Variants in IGF1R observed in about 807,000 individuals in gnomAD.
IGF1R encodes insulin like growth factor 1 receptor, also known as insulin-like growth factor 1 receptor.
IGF1R carries 44 observed loss-of-function variants against 144.6 expected under a neutral mutation model. The ratio of observed to expected loss-of-function variants is 0.30; its 90% confidence interval spans 0.24 to 0.39. IGF1R has a LOEUF of 0.39. IGF1R is among the 10% of genes least tolerant of loss of function. The probability of loss-of-function intolerance (pLI) is 1.00; values close to 1 mark genes in which losing one functional copy is unlikely to be tolerated. For missense variants in IGF1R, 1,355 were observed against 1,833.7 expected (o/e 0.74, Z 4.77); for synonymous variants, 795 against 722.8 (o/e 1.10, Z -1.60).
At chr15:98,946,278 G>A (rs1265160848) in intron 19 of IGF1R, among the ~76,000 whole-genome samples, 1 of 151,994 alleles carries the variant, frequency 6.6e-6, no homozygotes, top group South Asian at 2.1e-4. Flanking sequence ...GCTGCAGGTG[G>A]GGTTGGTGAG....
At chr15:98,650,516 G>A (rs1596139519) in intron 1 of IGF1R, among the ~76,000 whole-genome samples, 1 of 152,356 alleles carries the variant, frequency 6.6e-6, no homozygotes, top group Non-Finnish European at 1.5e-5. Flanking sequence ...CTCCCGGGCC[G>A]GGGGATGGAG....
At chr15:98,921,547 C>G (rs1394716638) in intron 10 of IGF1R, among the ~76,000 whole-genome samples, 1 of 152,082 alleles carries the variant, frequency 6.6e-6, no homozygotes, top group Non-Finnish European at 1.5e-5. Context: ...GTAGCAAGCA[C>G]AGACGCTTGG....
At chr15:98,911,489 T>G in intron 7 of IGF1R, 48 bp downstream of exon 7, 3 of 1,613,100 alleles carry the variant, frequency 1.9e-6, no homozygotes, top group South Asian at 2.2e-5. Flanking sequence ...GGGCTACGAA[T>G]GGGAGAGGCC....
intron 2 of IGF1R, among the ~76,000 whole-genome samples, chr15:98,889,379 C>T (rs539790684): frequency 6.6e-6 from 1 of 152,264 alleles, no homozygotes; most frequent in Non-Finnish European, 1.5e-5. Flanking sequence ...GGTGTGTAAA[C>T]CGGTACAAAC....
intron 20 of IGF1R, among the ~76,000 whole-genome samples, chr15:98,956,136 G>T (rs1342222036): frequency 1.3e-5 from 2 of 152,214 alleles, no homozygotes; most frequent in African/African-American, 4.8e-5. Context: ...GGCTTTCCTT[G>T]TCCACGTGTG....
At chr15:98,838,547 C>T (rs542798612) in intron 2 of IGF1R, among the ~76,000 whole-genome samples, 1 of 152,364 alleles carries the variant, frequency 6.6e-6, no homozygotes, top group South Asian at 2.1e-4. Flanking sequence ...TCTTTGAAGA[C>T]AGTGCCCCTG....
intron 2 of IGF1R, among the ~76,000 whole-genome samples, chr15:98,793,778 G>C (rs1402303195): frequency 6.6e-6 from 1 of 152,144 alleles, no homozygotes; most frequent in Non-Finnish European, 1.5e-5. Flanking sequence ...GCAGGAAAAA[G>C]ACTTTATTAA....
chr15:98,768,332 C>T lies in IGF1R; in HGVS notation c.640+60225C>T, dbSNP rs552743193. Among the ~76,000 whole-genome samples the T allele has an allele frequency of 3.1e-3, 467 of 152,052 alleles. 3 individuals carry two copies. The highest frequency in any genetic ancestry group is 3.8e-3 in the Non-Finnish European group (255 of 67,832). On this transcript the variant is annotated intron_variant, in intron 2 of 20. Transcript: ENST00000650285. Reference sequence around the variant, plus strand: ...CAAATTTTAAAGTAAAAGTGCACAACCTGGCCAGGCGCGGTGGCTTACGCC... The same window carrying T: ...CAAATTTTAAAGTAAAAGTGCACAATCTGGCCAGGCGCGGTGGCTTACGCC...
intron 5 of IGF1R, among the ~76,000 whole-genome samples, chr15:98,904,235 G>T (rs1196780987): frequency 6.6e-6 from 1 of 151,980 alleles, no homozygotes; most frequent in Admixed American, 6.6e-5. Flanking sequence ...TGTATTTTTA[G>T]TAGAGACGGG....
chr15:98,843,344 G>A (rs1449230362), intron 2 of IGF1R, among the ~76,000 whole-genome samples: 2 of 152,004 alleles, frequency 1.3e-5, no homozygotes, highest in Non-Finnish European at 2.9e-5. Context: ...AACTCTAAAC[G>A]GATTAGAGCT....
chr15:98,734,484 G>A (rs2054566978), intron 2 of IGF1R, among the ~76,000 whole-genome samples: 1 of 152,118 alleles, frequency 6.6e-6, no homozygotes, highest in Non-Finnish European at 1.5e-5. Flanking sequence ...GGCTTACAGA[G>A]TTTATACCCA....
At chr15:98,880,570 T>C (rs527748125) in intron 2 of IGF1R, 1 of 152,380 alleles carries the variant, frequency 6.6e-6, no homozygotes, top group East Asian at 1.9e-4. Flanking sequence ...AACTTGGATA[T>C]TTCTGTGAGC....
At chr15:98,750,329 C>T (rs1209217457) in intron 2 of IGF1R, among the ~76,000 whole-genome samples, 3 of 152,104 alleles carry the variant, frequency 2.0e-5, no homozygotes, top group Non-Finnish European at 4.4e-5. Flanking sequence ...GGCAAGGGGG[C>T]TGGCCTCCCT....
At chr15:98,770,140 A>G (rs1156857863) in intron 2 of IGF1R, among the ~76,000 whole-genome samples, 1 of 152,172 alleles carries the variant, frequency 6.6e-6, no homozygotes, top group Non-Finnish European at 1.5e-5. Flanking sequence ...TCCAGTGTGG[A>G]ATCCTGGGTG....
intron 2 of IGF1R, among the ~76,000 whole-genome samples, chr15:98,755,316 G>A (rs982305574): frequency 4.6e-5 from 7 of 151,924 alleles, no homozygotes; most frequent in Non-Finnish European, 8.8e-5. Context: ...TAGTTTAGTC[G>A]AGCCATCATC....
At chr15:98,789,108 T>TCTTG (rs1313761578) in intron 2 of IGF1R, among the ~76,000 whole-genome samples, 1 of 152,236 alleles carries the variant, frequency 6.6e-6, no homozygotes, top group Non-Finnish European at 1.5e-5. Context: ...TCATTTACCT[T>TCTTG]CTTGTAAAAT....
At chr15:98,689,454 T>A (rs975808109) in intron 1 of IGF1R, among the ~76,000 whole-genome samples, 1 of 141,646 alleles carries the variant, frequency 7.1e-6, no homozygotes, top group Non-Finnish European at 1.6e-5. Flanking sequence ...ATTCAAATTC[T>A]GACCTCAAGC....
chr15:98,779,690 G>T (rs1218399126), intron 2 of IGF1R, among the ~76,000 whole-genome samples: 1 of 152,182 alleles, frequency 6.6e-6, no homozygotes, highest in Non-Finnish European at 1.5e-5. Context: ...CAACACATTA[G>T]CACTTGACTC....
rs2017187075 is a variant in IGF1R, at chr15:98,960,663, G to A, written c.*3221G>A. On this transcript the variant is annotated 3_prime_UTR_variant, in exon 21 of 21. Transcript: ENST00000650285. ...CGGCCATGGCTGCTGCATTCATTGA[G>A]CACAAAGGTGCAGCTGCAGCAGCAG... 1 of 233,366 alleles carries A rather than the reference G, an allele frequency of 4.3e-6. No individual in the cohort carries two copies. Among genetic ancestry groups the A allele is most frequent in the Admixed American group, 5.6e-5 (1 of 17,802 alleles). The allele number at this position is 233,366 out of a possible 1,614,324, so 14.5% of individuals were successfully genotyped here.
Sources: allele counts gnomAD v4.1 joint callset (sites outside exome capture counted in the v4.1 genomes callset), GRCh38; gene constraint gnomAD v4.1.1; transcripts MANE v1.5; gene names NCBI Gene and HGNC (gene_info 2026-07-23, HGNC 2026-07-21).